The following LRRC37A2 variants were observed in gnomAD, a reference collection of about 807,000 sequenced individuals.
LRRC37A2 encodes leucine-rich repeat-containing protein 37A2.
Under a neutral mutation model 68.8 loss-of-function variants are expected in LRRC37A2, and 9 were observed. The observed-to-expected ratio is 0.13, with a 90% confidence interval of 0.08 to 0.23. LRRC37A2 has a LOEUF of 0.23. Among genes scored for constraint, LRRC37A2 ranks in the 10% least tolerant of loss-of-function variants. The pLI is 1.00. For missense variants in LRRC37A2, 168 were observed against 950.4 expected (o/e 0.18, Z 10.82); for synonymous variants, 63 against 367.6 (o/e 0.17, Z 9.48).
At chr17:47,020,340 A>G in the LRRC37A2 span, among the ~76,000 whole-genome samples, 1 of 148,624 alleles carries the variant, frequency 6.7e-6, no homozygotes, top group South Asian at 2.2e-4. Flanking sequence ...TGCTTAGCAT[A>G]TGTAGGAGAG....
the LRRC37A2 span, among the ~76,000 whole-genome samples, chr17:46,863,997 G>A: frequency 6.6e-6 from 1 of 152,226 alleles, no homozygotes; most frequent in East Asian, 1.9e-4. Context: ...TGCAGCATGG[G>A]ACATCTCTGC....
At chr17:46,984,975 C>G in the LRRC37A2 span, among the ~76,000 whole-genome samples, 1 of 152,174 alleles carries the variant, frequency 6.6e-6, no homozygotes, top group Non-Finnish European at 1.5e-5. Context: ...AAACAACCCC[C>G]CTAGGACCCG....
the LRRC37A2 span, among the ~76,000 whole-genome samples, chr17:46,687,176 A>T: frequency 1.5e-5 from 1 of 64,970 alleles, no homozygotes; most frequent in African/African-American, 6.5e-5. Context: ...ATTGTAGCCC[A>T]GAATCTGTCC....
At chr17:46,901,657 G>T in the LRRC37A2 span, among the ~76,000 whole-genome samples, 1 of 152,192 alleles carries the variant, frequency 6.6e-6, no homozygotes, top group South Asian at 2.1e-4. Flanking sequence ...TGGGAAAGAA[G>T]CTGAAGAGAA....
At chr17:46,831,234 T>C in the LRRC37A2 span, among the ~76,000 whole-genome samples, 2 of 152,100 alleles carry the variant, frequency 1.3e-5, no homozygotes, top group African/African-American at 4.8e-5. Context: ...CAGGGCATCT[T>C]GGTTGGCCAG....
chr17:46,980,330 C>T, the LRRC37A2 span, among the ~76,000 whole-genome samples: 16 of 86,198 alleles, frequency 1.9e-4, no homozygotes, highest in Non-Finnish European at 2.9e-4. Context: ...CTTCCTTCTC[C>T]CTTTCCTTCT....
At chr17:46,676,554 G>A in the LRRC37A2 span, among the ~76,000 whole-genome samples, 1 of 145,936 alleles carries the variant, frequency 6.9e-6, no homozygotes, top group African/African-American at 2.7e-5. Context: ...TGTAAACCAT[G>A]GATCCTTGTT....
chr17:46,741,713 C>T, the LRRC37A2 span, among the ~76,000 whole-genome samples: 14 of 152,278 alleles, frequency 9.2e-5, no homozygotes, highest in African/African-American at 3.4e-4. Context: ...CGATCTTTTC[C>T]CTTGGTTTGG....
At chr17:46,743,294 A>T in the LRRC37A2 span, among the ~76,000 whole-genome samples, 55 of 152,246 alleles carry the variant, frequency 3.6e-4, no homozygotes, top group Middle Eastern at 3.4e-3. Context: ...ACCTAACCGT[A>T]TGGATTCCTG....
chr17:46,711,070 G>T, the LRRC37A2 span: 1 of 1,583,430 alleles, frequency 6.3e-7, no homozygotes, highest in Admixed American at 1.9e-5. Flanking sequence ...TGCTGGTGCA[G>T]CAGACTAAGA....
At chr17:46,785,082 T>C in the LRRC37A2 span, among the ~76,000 whole-genome samples, 1 of 152,126 alleles carries the variant, frequency 6.6e-6, no homozygotes, top group African/African-American at 2.4e-5. Context: ...CGGCCTCCCC[T>C]TTTTGCTTTT....
At chr17:47,039,046 G>C in the LRRC37A2 span, among the ~76,000 whole-genome samples, 1 of 150,272 alleles carries the variant, frequency 6.7e-6, no homozygotes, top group Non-Finnish European at 1.5e-5. Flanking sequence ...TATAGGGCAG[G>C]TCTTCTAGCA....
chr17:46,940,481 A>T, the LRRC37A2 span: 1 of 1,612,800 alleles, frequency 6.2e-7, no homozygotes, highest in Non-Finnish European at 8.5e-7. Flanking sequence ...GGTGCCAGGG[A>T]CCTAGCGCAG....
chr17:46,708,885 C>T, the LRRC37A2 span, among the ~76,000 whole-genome samples: 24 of 136,190 alleles, frequency 1.8e-4, no homozygotes, highest in African/African-American at 5.4e-4. Flanking sequence ...AGTGCAGTGG[C>T]GCAATTTTGG....
the LRRC37A2 span, chr17:46,710,830 G>T: frequency 1.4e-6 from 1 of 733,620 alleles, no homozygotes; most frequent in Non-Finnish European, 2.0e-6. Flanking sequence ...AAGTTGTTTT[G>T]CTTTCCAGGC....
chr17:46,977,288 AGAG>A, the LRRC37A2 span, among the ~76,000 whole-genome samples: 5 of 152,140 alleles, frequency 3.3e-5, no homozygotes, highest in Non-Finnish European at 4.4e-5. Context: ...ACAGCAAAAG[AGAG>A]AAGAAAGGGA....
At chr17:46,938,829 G>A in the LRRC37A2 span, 3 of 1,609,478 alleles carry the variant, frequency 1.9e-6, no homozygotes, top group Non-Finnish European at 2.5e-6. Flanking sequence ...GAAAGAGAGA[G>A]GGGGGCCCAG....
the LRRC37A2 span, among the ~76,000 whole-genome samples, chr17:46,743,045 A>T: frequency 6.6e-6 from 1 of 152,128 alleles, no homozygotes; most frequent in Non-Finnish European, 1.5e-5. Flanking sequence ...CGCTGCCATG[A>T]GTCCTTCTGA....
the LRRC37A2 span, among the ~76,000 whole-genome samples, chr17:46,676,233 C>CT: frequency 0.13 from 17,900 of 135,590 alleles, 2,855 homozygotes; most frequent in East Asian, 0.58. Flanking sequence ...AATTCTTCTT[C>CT]TTTTTTTTTT....
Sources: allele counts gnomAD v4.1 joint callset (sites outside exome capture counted in the v4.1 genomes callset), GRCh38; gene constraint gnomAD v4.1.1; transcripts MANE v1.5; gene names NCBI Gene and HGNC (gene_info 2026-07-23, HGNC 2026-07-21).